ITGA9: variants seen among roughly 807,000 people sequenced by gnomAD.
The protein encoded by ITGA9 is integrin subunit alpha 9.
ITGA9 carries 56 observed loss-of-function variants against 127.8 expected under a neutral mutation model. The observed-to-expected ratio is 0.44, with a 90% CI of 0.35 to 0.55. ITGA9 has a LOEUF of 0.55. Ranked by LOEUF, ITGA9 falls within the 20% of genes least tolerant of loss-of-function variation. The pLI is 0.00. For synonymous variants in ITGA9, 508 were observed against 514.5 expected (o/e 0.99, Z 0.17); for missense variants, 1,196 against 1,347.1 (o/e 0.89, Z 1.76).
chr3:37,487,035 C>A (rs1156609198), intron 4 of ITGA9, among the ~76,000 whole-genome samples: 1 of 152,104 alleles, frequency 6.6e-6, no homozygotes, highest in East Asian at 1.9e-4. Context: ...GGATAAAAAT[C>A]AACGAAGGTC....
chr3:37,504,697 C>T (rs941013664), intron 6 of ITGA9, among the ~76,000 whole-genome samples: 1 of 152,150 alleles, frequency 6.6e-6, no homozygotes, highest in Admixed American at 6.5e-5. Flanking sequence ...TTTGTATACA[C>T]ATTAGAGGCT....
At chr3:37,605,033 T>C (rs1448222796) in intron 15 of ITGA9, among the ~76,000 whole-genome samples, 1 of 152,212 alleles carries the variant, frequency 6.6e-6, no homozygotes, top group Non-Finnish European at 1.5e-5. Flanking sequence ...CAAGTGAATG[T>C]ATAATAAATA....
intron 18 of ITGA9, among the ~76,000 whole-genome samples, chr3:37,728,615 A>G (rs1414196228): frequency 6.6e-6 from 1 of 152,014 alleles, no homozygotes; most frequent in Non-Finnish European, 1.5e-5. Flanking sequence ...ACCTTTATAA[A>G]CTGCAGTCAG....
rs189648986 is a variant in ITGA9, at chr3:37,566,308, C to T, written c.1689+23723C>T. Among the ~76,000 whole-genome samples, 234 of 152,092 alleles carry T rather than the reference C, an allele frequency of 1.5e-3. 4 individuals carry two copies. Among genetic ancestry groups the T allele is most frequent in the African/African-American group, 5.4e-3 (224 of 41,472 alleles). On this transcript the variant is annotated intron_variant, in intron 15 of 27. Coordinates refer to ENST00000264741, the MANE Select transcript of ITGA9 (RefSeq NM_002207.3). ...TAGTAGTGTAATAGCATGGATGTGC[C>T]GGACAAAGGTGTGATTCCCATCCTG...
intron 15 of ITGA9, among the ~76,000 whole-genome samples, chr3:37,604,599 G>C (rs543786429): frequency 1.4e-4 from 21 of 152,316 alleles, no homozygotes; most frequent in African/African-American, 5.1e-4. Context: ...GTTGCTTTTG[G>C]GAATGGTGTA....
chr3:37,623,062 T>C (rs2125632325), intron 15 of ITGA9, among the ~76,000 whole-genome samples: 1 of 152,314 alleles, frequency 6.6e-6, no homozygotes, highest in African/African-American at 2.4e-5. Flanking sequence ...GAGAATACAC[T>C]GAGGCCCAGT....
chr3:37,494,431 C>T (rs1698705602), intron 4 of ITGA9, 70 bp from the exon 5 acceptor site: 3 of 1,157,724 alleles, frequency 2.6e-6, no homozygotes, highest in South Asian at 2.5e-5. Flanking sequence ...GCTGGCTCTG[C>T]TGGCTCCACG....
At chr3:37,530,492 A>G (rs1213351218) in intron 13 of ITGA9, among the ~76,000 whole-genome samples, 1 of 152,138 alleles carries the variant, frequency 6.6e-6, no homozygotes, top group Non-Finnish European at 1.5e-5. Flanking sequence ...TATGACCTCA[A>G]ATTAGCTCCC....
At chr3:37,509,310 G>A (rs1459248846) in intron 8 of ITGA9, among the ~76,000 whole-genome samples, 1 of 152,148 alleles carries the variant, frequency 6.6e-6, no homozygotes, top group African/African-American at 2.4e-5. Flanking sequence ...CTATTAATAA[G>A]CAACAGTTTT....
intron 17 of ITGA9, among the ~76,000 whole-genome samples, chr3:37,676,161 G>A (rs533612525): frequency 3.4e-4 from 52 of 152,070 alleles, no homozygotes; most frequent in Non-Finnish European, 6.5e-4. Context: ...ATATTATATC[G>A]TAAGTAAAGT....
chr3:37,506,084 A>G lies in ITGA9; in HGVS notation c.827A>G (p.Lys276Arg), dbSNP rs1469388995. ...GCCCCACAGGACAAAGGCATCGGCA[A>G]GGTGAGGAGAAACATCTGTGGAATA... ...GGAPQDKGIGKVYIFRADRRS... is the reference protein window; with the variant it reads ...GGAPQDKGIGRVYIFRADRRS... Residue 276 changes from lysine (K) to arginine (R), a missense_variant and splice_region_variant, in exon 7 of 28, where the codon AAG becomes AGG. Lys to Arg is a conservative substitution (Grantham distance 26, BLOSUM62 2). Transcript: ENST00000264741. The G allele has an allele frequency of 6.2e-7, 1 of 1,602,726 alleles. No homozygotes were observed. Among genetic ancestry groups the G allele is most frequent in the Non-Finnish European group, 8.5e-7 (1 of 1,172,922 alleles).
Position 37,820,203 on chromosome 3 carries a change from A to T in ITGA9, c.*1214A>T, listed in dbSNP as rs1159612829. 1 of 152,306 alleles carries T rather than the reference A, an allele frequency of 6.6e-6. No individual in the cohort carries two copies. Among genetic ancestry groups the T allele is most frequent in the African/African-American group, 2.4e-5 (1 of 41,468 alleles). The allele number at this position is 152,306 out of a possible 1,614,324, so 9.4% of individuals were successfully genotyped here. On this transcript the variant is annotated 3_prime_UTR_variant, in exon 28 of 28. Coordinates refer to ENST00000264741, the MANE Select transcript of ITGA9 (RefSeq NM_002207.3). ...AAGCCAGGCAAATGTTTGTCATTTC[A>T]GGGAGAGCTCCATGAAGTTTAGCCT...
intron 16 of ITGA9, among the ~76,000 whole-genome samples, chr3:37,651,319 G>A (rs1700427504): frequency 6.6e-6 from 1 of 152,232 alleles, no homozygotes; most frequent in Non-Finnish European, 1.5e-5. Context: ...CTCGTGAGAA[G>A]TCTTTGCATC....
chr3:37,653,200 C>T (rs753463912), intron 16 of ITGA9, among the ~76,000 whole-genome samples: 4 of 152,206 alleles, frequency 2.6e-5, no homozygotes, highest in South Asian at 2.1e-4. Flanking sequence ...AGCCTGATGG[C>T]CTAATTGCCT....
At chr3:37,510,690 T>A (rs147975436) in intron 8 of ITGA9, among the ~76,000 whole-genome samples, 6 of 152,312 alleles carry the variant, frequency 3.9e-5, no homozygotes, top group Non-Finnish European at 7.4e-5. Flanking sequence ...CCAAGATACA[T>A]CAGGTTCCCT....
intron 23 of ITGA9, among the ~76,000 whole-genome samples, chr3:37,751,721 T>A (rs1696588270): frequency 6.6e-6 from 1 of 152,206 alleles, no homozygotes; most frequent in African/African-American, 2.4e-5. Flanking sequence ...GACAACTGCC[T>A]GGCTATCGTT....
intron 1 of ITGA9, among the ~76,000 whole-genome samples, chr3:37,466,362 G>A (rs442678): frequency 0.82 from 124,009 of 151,528 alleles, 51,257 homozygotes; most frequent in Middle Eastern, 0.89. Context: ...GTGTGCCTGT[G>A]GTACCCAGCT....
chr3:37,796,039 T>C (rs540106305), intron 26 of ITGA9, among the ~76,000 whole-genome samples: 15 of 152,316 alleles, frequency 9.8e-5, no homozygotes, highest in South Asian at 4.1e-4. Flanking sequence ...CTCCAGCATA[T>C]CATGAACATC....
intron 15 of ITGA9, among the ~76,000 whole-genome samples, chr3:37,617,385 T>A (rs1239506793): frequency 5.3e-5 from 8 of 152,206 alleles, no homozygotes; most frequent in Non-Finnish European, 1.0e-4. Context: ...TCTCTCTGGC[T>A]GCCCTTAACA....
Sources: gnomAD v4.1 joint callset for allele counts (sites outside exome capture counted in the v4.1 genomes callset) on GRCh38, gnomAD v4.1.1 for gene constraint, MANE v1.5 for transcripts, NCBI Gene and HGNC (gene_info 2026-07-23, HGNC 2026-07-21) for gene names.